Variants in OR52A5 observed in about 807,000 individuals in gnomAD.
OR52A5 encodes the protein olfactory receptor 52A5.
Under a neutral mutation model 18.2 loss-of-function variants are expected in OR52A5, and 16 were observed. That is an observed-to-expected ratio of 0.88 (90% CI 0.60 to 1.34). The LOEUF (loss-of-function observed/expected upper bound fraction) is 1.34. OR52A5 is among the 40% of genes most tolerant of loss of function. OR52A5 has a pLI of 0.00. For missense variants in OR52A5, 418 were observed against 383.0 expected (o/e 1.09, Z -0.76); for synonymous variants, 140 against 137.2 (o/e 1.02, Z -0.14).
Position 5,132,376 on chromosome 11 carries a change from A to G in OR52A5, c.267T>C (p.Phe89=), listed in dbSNP as rs1351012367. The G allele has an allele frequency of 6.2e-7, 1 of 1,614,230 alleles. No homozygotes were observed. The highest frequency in any genetic ancestry group is 1.3e-5 in the African/African-American group (1 of 75,070). The stretch of plus-strand genomic sequence containing the variant: ...CATCAAAAGAAATCTCTGGCAAATG[A>G]AACCAGAAGATGCCTAACATTTTGG... ...ILPKMLGIFW[F]HLPEISFDAC... The change falls in exon 2 of 2, where the codon TTT becomes TTC. Residue 89 remains phenylalanine (F), a synonymous_variant. Transcript: ENST00000307388.
At chr11:5,137,105 A>C (rs2133526785) in intron 1 of OR52A5, among the ~76,000 whole-genome samples, 1 of 152,346 alleles carries the variant, frequency 6.6e-6, no homozygotes, top group Middle Eastern at 3.4e-3. Flanking sequence ...ACATGATGTA[A>C]GGGTACATTG....
chr11:5,129,420 C>A lies in OR52A5; in HGVS notation c.*2272G>T, dbSNP rs1846314161. The A allele has an allele frequency of 6.6e-6, 1 of 152,052 alleles. No homozygotes were observed. Among genetic ancestry groups the A allele is most frequent in the Admixed American group, 6.6e-5 (1 of 15,244 alleles). The allele number at this position is 152,052 out of a possible 1,614,324, so 9.4% of individuals were successfully genotyped here. On this transcript the variant is annotated 3_prime_UTR_variant, in exon 2 of 2. Coordinates refer to ENST00000307388, the MANE Select transcript of OR52A5 (RefSeq NM_001005160.3). ...ACCTTTTTGATTCCTAGCTAGGATA[C>A]CTATTTATCCATCTTTAACTTAAGG...
Position 5,130,905 on chromosome 11 carries a change from T to C in OR52A5, c.*787A>G, listed in dbSNP as rs1448550609. On this transcript the variant is annotated 3_prime_UTR_variant, in exon 2 of 2. Coordinates refer to ENST00000307388, the MANE Select transcript of OR52A5 (RefSeq NM_001005160.3). ...AGTTCTGTGTTTAGCTAATATATTA[T>C]TTCAGGTTTGCATAATGATTATTTC... The C allele has an allele frequency of 6.6e-6, 1 of 152,138 alleles. No individual in the cohort carries two copies. Among genetic ancestry groups the C allele is most frequent in the Non-Finnish European group, 1.5e-5 (1 of 67,972 alleles). The allele number at this position is 152,138 out of a possible 1,614,324, so 9.4% of individuals were successfully genotyped here. A position where few individuals can be genotyped will look rare whatever the true frequency, so the allele number is the denominator to read the frequency against.
chr11:5,132,562 A>G lies in OR52A5; in HGVS notation c.81T>C (p.Cys27=). 6.2e-7 allele frequency: 1 copy of G among 1,614,058 alleles called. No individual in the cohort carries two copies. The highest frequency in any genetic ancestry group is 8.5e-7 in the Non-Finnish European group (1 of 1,179,952). ...TGGCAGAGAAAGGAATCCCAATCCA[A>G]CACTGCACTGACTCCAGACCAGGAA... is the stretch of plus-strand genomic sequence containing the variant. ...IGIPGLESVQ[C]WIGIPFSAMY... Residue 27 remains cysteine, a synonymous_variant, in exon 2 of 2, where the codon TGT becomes TGC. Transcript: ENST00000307388.
In OR52A5 at chr11:5,132,014, A is replaced by G. The variant is rs530850660; in HGVS notation, c.629T>C (p.Leu210Pro). ...GGTTATAAATATTATGTCAAACCCT[A>G]GGATTGCAAAGGCAACAAATAGGCC... Reference protein sequence around the residue: ...IYGLFVAFAILGFDIIFITLS... With the variant: ...IYGLFVAFAIPGFDIIFITLS... Residue 210 changes from leucine to proline, a missense_variant, in exon 2 of 2, where the codon CTA (leucine) becomes CCA (proline). Transcript: ENST00000307388. 20 of 1,614,214 alleles carry G rather than the reference A, an allele frequency of 1.2e-5. No individual in the cohort carries two copies. In the East Asian group the frequency reaches 3.6e-4, roughly 29 times the overall value.
chr11:5,129,382 T>C lies in OR52A5; in HGVS notation c.*2310A>G, dbSNP rs1846313759. 6.6e-6 allele frequency: 1 copy of C among 152,118 alleles called. No homozygotes were observed. The highest frequency in any genetic ancestry group is 2.4e-5 in the African/African-American group (1 of 41,402). The allele number at this position is 152,118 out of a possible 1,614,324, so 9.4% of individuals were successfully genotyped here. Reference sequence around the variant, plus strand: ...ATGTAGAATGTTAAAGGAAGGGTAATGGAGAAACTCAGACCTTTTTGATTC... The same window carrying C: ...ATGTAGAATGTTAAAGGAAGGGTAACGGAGAAACTCAGACCTTTTTGATTC... On this transcript the variant is annotated 3_prime_UTR_variant, in exon 2 of 2. Transcript: ENST00000307388.
At chr11:5,133,165 C>T (rs367987856) in intron 1 of OR52A5, among the ~76,000 whole-genome samples, 4 of 151,814 alleles carry the variant, frequency 2.6e-5, no homozygotes, top group East Asian at 1.9e-4. Flanking sequence ...GTCAGGAGAT[C>T]GAGACCATCC....
At position 5,131,795 on chromosome 11, in the gene OR52A5, TA is replaced by T; in HGVS notation, c.847del (p.Tyr283ThrfsTer3). 6.2e-7 allele frequency: 1 copy of T among 1,613,976 alleles called. No homozygotes were observed. The highest frequency in any genetic ancestry group is 1.1e-5 in the South Asian group (1 of 91,072). On this transcript the variant is annotated frameshift_variant, in exon 2 of 2. Coordinates refer to ENST00000307388, the MANE Select transcript of OR52A5 (RefSeq NM_001005160.3). LOFTEE classifies it high-confidence loss of function. ...GTTGAGAAAAGGTGGGACTAACAGG[TA>T]AAGATTTGACAAGAGGATATGAATA... ...PYIHILLSNL[Y>X]LLVPPFLNPI...
chr11:5,134,634 C>T (rs1004828211), intron 1 of OR52A5, among the ~76,000 whole-genome samples: 3 of 151,708 alleles, frequency 2.0e-5, no homozygotes, highest in Admixed American at 1.3e-4. Flanking sequence ...GTAACATGTA[C>T]CATTTATTAA....
chr11:5,137,894 C>A (rs188479774), intron 1 of OR52A5, among the ~76,000 whole-genome samples: 2 of 152,314 alleles, frequency 1.3e-5, no homozygotes, highest in Non-Finnish European at 1.5e-5. Context: ...TTGGCACCGG[C>A]TATTTTTCTG....
chr11:5,133,786 C>T (rs1263703759), intron 1 of OR52A5, among the ~76,000 whole-genome samples: 1 of 152,106 alleles, frequency 6.6e-6, no homozygotes, highest in Non-Finnish European at 1.5e-5. Flanking sequence ...ATTGTTACCT[C>T]CCTAAGCCTG....
Position 5,132,611 on chromosome 11 carries a change from G to A in OR52A5, c.32C>T (p.Pro11Leu), listed in dbSNP as rs991473365. 1 of 1,609,322 alleles carries A rather than the reference G, an allele frequency of 6.2e-7. No homozygotes were observed. The highest frequency in any genetic ancestry group is 1.7e-5 in the Admixed American group (1 of 59,090). Residue 11 changes from proline (P) to leucine (L), a missense_variant, in exon 2 of 2, where the codon CCC becomes CTC. Transcript: ENST00000307388. Reference sequence around the variant, plus strand: ...AATCCCAATTAGTATAAACGCAGAGGGCATGAAGACTGAGCCATTGAATGT... The same window carrying A: ...AATCCCAATTAGTATAAACGCAGAGAGCATGAAGACTGAGCCATTGAATGT... Reference protein sequence around the residue: MPTFNGSVFMPSAFILIGIPG... With the variant: MPTFNGSVFMLSAFILIGIPG...
chr11:5,132,566 T>G lies in OR52A5; in HGVS notation c.77A>C (p.Gln26Pro), dbSNP rs768534461. Residue 26 changes from glutamine (Q) to proline (P), a missense_variant, in exon 2 of 2, where the codon CAG becomes CCG. Physicochemically the swap from Gln to Pro is moderately conservative, Grantham distance 76 (BLOSUM62 -1). Transcript: ENST00000307388. The stretch of plus-strand genomic sequence containing the variant: ...AGAGAAAGGAATCCCAATCCAACAC[T>G]GCACTGACTCCAGACCAGGAATCCC... ...LIGIPGLESVQCWIGIPFSAM... is the reference protein window; with the variant it reads ...LIGIPGLESVPCWIGIPFSAM... 6.2e-7 allele frequency: 1 copy of G among 1,613,954 alleles called. No individual in the cohort carries two copies.
In OR52A5 at chr11:5,131,366, AT is replaced by A. The variant is rs1054395772; in HGVS notation, c.*325del. 13 of 166,360 alleles carry A rather than the reference AT, an allele frequency of 7.8e-5. No individual in the cohort carries two copies. The highest frequency in any genetic ancestry group is 1.6e-4 in the East Asian group (1 of 6,214). The allele number at this position is 166,360 out of a possible 1,614,324, so 10.3% of individuals were successfully genotyped here. ...TTGTGAATATGTTTAATATTTTTCA[AT>A]TTTTTTTGCATTCTCTCCTGTGTAA... On this transcript the variant is annotated 3_prime_UTR_variant, in exon 2 of 2. Coordinates refer to ENST00000307388, the MANE Select transcript of OR52A5 (RefSeq NM_001005160.3).
In OR52A5 at chr11:5,131,395, T is replaced by A. The variant is rs1846335403; in HGVS notation, c.*297A>T. 1 of 183,156 alleles carries A rather than the reference T, an allele frequency of 5.5e-6. No individual in the cohort carries two copies. The highest frequency in any genetic ancestry group is 1.3e-4 in the South Asian group (1 of 7,706). 11.3% of individuals were successfully genotyped at this position (183,156 alleles called of 1,614,324 possible). On this transcript the variant is annotated 3_prime_UTR_variant, in exon 2 of 2. Coordinates refer to ENST00000307388, the MANE Select transcript of OR52A5 (RefSeq NM_001005160.3). Reference sequence around the variant, plus strand: ...TTTTTGCATTCTCTCCTGTGTAAATTCCTTAGTGTTTATAGTCATTGGTTG... The same window carrying A: ...TTTTTGCATTCTCTCCTGTGTAAATACCTTAGTGTTTATAGTCATTGGTTG...
rs527679375 is a variant in OR52A5, at chr11:5,129,844, T to C, written c.*1848A>G. Reference sequence around the variant, plus strand: ...CCAGGTGCTGTACTCCATGTGGAAATTGCTTCAGCTGGGGTTTCTTTAGCA... The same window carrying C: ...CCAGGTGCTGTACTCCATGTGGAAACTGCTTCAGCTGGGGTTTCTTTAGCA... On this transcript the variant is annotated 3_prime_UTR_variant, in exon 2 of 2. Transcript: ENST00000307388. 4 of 152,220 alleles carry C rather than the reference T, an allele frequency of 2.6e-5. No individual in the cohort carries two copies. The East Asian group carries it at 7.7e-4, about 29-fold the overall frequency. The allele number at this position is 152,220 out of a possible 1,614,324, so 9.4% of individuals were successfully genotyped here.
At chr11:5,133,779 G>A (rs1185333790) in intron 1 of OR52A5, among the ~76,000 whole-genome samples, 1 of 152,016 alleles carries the variant, frequency 6.6e-6, no homozygotes, top group Non-Finnish European at 1.5e-5. Flanking sequence ...AATAGGCATT[G>A]TTACCTCCCT....
At position 5,132,032 on chromosome 11, in the gene OR52A5, A is replaced by T; in HGVS notation, c.611T>A (p.Phe204Tyr). ...AAACCCTAGGATTGCAAAGGCAACA[A>T]ATAGGCCATATATCTTGTTGACTCG... Reference protein sequence around the residue: ...DIRVNKIYGLFVAFAILGFDI... With the variant: ...DIRVNKIYGLYVAFAILGFDI... The change falls in exon 2 of 2, where the codon TTT (phenylalanine) becomes TAT (tyrosine). Residue 204 changes from phenylalanine to tyrosine, a missense_variant. Phe to Tyr is a conservative substitution (Grantham distance 22). Transcript: ENST00000307388. The T allele has an allele frequency of 6.2e-7, 1 of 1,614,252 alleles. No homozygotes were observed. The highest frequency in any genetic ancestry group is 8.5e-7 in the Non-Finnish European group (1 of 1,180,042).
At chr11:5,137,190 T>G (rs1846399744) in intron 1 of OR52A5, among the ~76,000 whole-genome samples, 2 of 152,190 alleles carry the variant, frequency 1.3e-5, no homozygotes, top group African/African-American at 4.8e-5. Context: ...GGGAACAACT[T>G]TGTTTGCACA....
Sources: allele counts gnomAD v4.1 joint callset (sites outside exome capture counted in the v4.1 genomes callset), GRCh38; gene constraint gnomAD v4.1.1; transcripts MANE v1.5; gene names NCBI Gene and HGNC (gene_info 2026-07-23, HGNC 2026-07-21).